PSIP1: variants seen among roughly 807,000 people sequenced by gnomAD.
PSIP1 encodes PC4 and SFRS1-interacting protein.
Under a neutral mutation model 74.7 loss-of-function variants are expected in PSIP1, and 19 were observed. That is an observed-to-expected ratio of 0.25 (90% confidence interval 0.18 to 0.37). PSIP1 has a LOEUF of 0.37. Among genes scored for constraint, PSIP1 ranks in the 10% least tolerant of loss-of-function variants. The probability of loss-of-function intolerance (pLI) is 1.00; values close to 1 mark genes in which losing one functional copy is unlikely to be tolerated. For missense variants in PSIP1, 601 were observed against 614.3 expected, an observed-to-expected ratio of 0.98 and a Z score of 0.23; for synonymous variants, 222 against 195.3, an observed-to-expected ratio of 1.14 and a Z score of -1.14.
At chr9:15,494,565 C>CAAAAAAAAA (rs57170853) in intron 3 of PSIP1, among the ~76,000 whole-genome samples, 1 of 37,560 alleles carries the variant, frequency 2.7e-5, no homozygotes, top group Non-Finnish European at 4.6e-5. Context: ...AACTGCATCT[C>CAAAAAAAAA]AAAAAAAAAA....
At chr9:15,473,934 AAAAC>A (rs369884358) in intron 9 of PSIP1, 71 bp downstream of exon 9, 297 of 974,008 alleles carry the variant, frequency 3.0e-4, no homozygotes, top group Middle Eastern at 1.2e-3. Flanking sequence ...AAACAAAAAA[AAAAC>A]AAAGAAAAAA....
At chr9:15,468,095 T>C (rs542201501) in intron 14 of PSIP1, among the ~76,000 whole-genome samples, 15 of 145,822 alleles carry the variant, frequency 1.0e-4, no homozygotes, top group Non-Finnish European at 1.9e-4. Flanking sequence ...CACTCCAGCC[T>C]GGACAACAAG....
intron 3 of PSIP1, chr9:15,506,356 G>T: frequency 7.4e-6 from 3 of 405,846 alleles, no homozygotes; most frequent in South Asian, 6.4e-5. Context: ...TTCCTTTTTG[G>T]TTAAGGAAAT....
intron 10 of PSIP1, chr9:15,470,497 A>G: frequency 1.3e-6 from 1 of 768,248 alleles, no homozygotes; most frequent in Non-Finnish European, 1.6e-6. Context: ...AACATTTCAC[A>G]AAAGGTACCA....
At chr9:15,470,764 G>C (rs970109680) in intron 10 of PSIP1, 2 of 974,786 alleles carry the variant, frequency 2.1e-6, no homozygotes, top group Non-Finnish European at 2.5e-6. Flanking sequence ...AACAACAAAG[G>C]AATGTCAAGA....
At position 15,485,238 on chromosome 9, in the gene PSIP1, A is replaced by G. The variant is rs78905817; in HGVS notation, c.456+768T>C. Among the ~76,000 whole-genome samples, 748 of 152,304 alleles carry G rather than the reference A, an allele frequency of 4.9e-3. 3 individuals carry two copies. Among genetic ancestry groups the G allele is most frequent in the African/African-American group, 0.018 (735 of 41,566 alleles). On this transcript the variant is annotated intron_variant, in intron 6 of 15. Coordinates refer to ENST00000380733, the MANE Select transcript of PSIP1 (RefSeq NM_033222.5). ...TTATGGTGTGTTAATAATGAAATAC[A>G]ATACTCAAGATGCTTGAGTAGGAAT...
intron 2 of PSIP1, among the ~76,000 whole-genome samples, chr9:15,508,564 TTTAAC>T (rs2037706041): frequency 6.6e-6 from 1 of 152,204 alleles, no homozygotes; most frequent in Non-Finnish European, 1.5e-5. Flanking sequence ...TCCTTTGGCT[TTTAAC>T]TTCACTGTGG....
At chr9:15,472,252 T>G in intron 10 of PSIP1, 1 of 994,696 alleles carries the variant, frequency 1.0e-6, no homozygotes, top group Non-Finnish European at 1.2e-6. Context: ...TGCTTGGTGG[T>G]GTGATGAATA....
intron 6 of PSIP1, among the ~76,000 whole-genome samples, chr9:15,480,013 T>C (rs2036266394): frequency 6.6e-6 from 1 of 152,212 alleles, no homozygotes; most frequent in African/African-American, 2.4e-5. Flanking sequence ...TAATTCTTCG[T>C]TCATACAGAC....
chr9:15,494,929 C>G (rs555630731), intron 3 of PSIP1, among the ~76,000 whole-genome samples: 2 of 152,124 alleles, frequency 1.3e-5, no homozygotes, highest in Admixed American at 1.3e-4. Context: ...TTGAGTTAAA[C>G]CTCCATGAAA....
intron 2 of PSIP1, among the ~76,000 whole-genome samples, chr9:15,507,605 T>G (rs1485150033): frequency 1.3e-5 from 2 of 152,072 alleles, no homozygotes; most frequent in Non-Finnish European, 2.9e-5. Flanking sequence ...GCCACTGCAC[T>G]CAAGCCTGGG....
intron 3 of PSIP1, among the ~76,000 whole-genome samples, chr9:15,497,868 GTATA>G (rs1189566511): frequency 6.6e-6 from 1 of 152,034 alleles, no homozygotes; most frequent in Non-Finnish European, 1.5e-5. Flanking sequence ...CCACTTATTT[GTATA>G]TATACATATA....
rs371783377 is a variant in PSIP1 at position 15,500,286 on chromosome 9, A to C, written c.149+6275T>G. On this transcript the variant is annotated intron_variant, in intron 3 of 15. Transcript: ENST00000380733. ...CAAGACCATCCTGGCTATCACGGTG[A>C]AACCCGGTCTCTACTAAAAACACAA... Among the ~76,000 whole-genome samples, 41 of 151,964 alleles carry C rather than the reference A, an allele frequency of 2.7e-4. 1 individual carries two copies. Among genetic ancestry groups the C allele is most frequent in the African/African-American group, 8.5e-4 (35 of 41,388 alleles).
intron 15 of PSIP1, chr9:15,465,897 TATATCTGTGATACCAAC>T (rs969218960): frequency 8.0e-6 from 2 of 249,882 alleles, no homozygotes; most frequent in African/African-American, 4.5e-5. Flanking sequence ...GAGAATGTTT[TATATCTGTGATACCAAC>T]ATATTTCAAA....
At chr9:15,472,851 AAG>A (rs1466257567) in intron 9 of PSIP1, 101 bp from the exon 10 acceptor site, 5 of 1,126,226 alleles carry the variant, frequency 4.4e-6, no homozygotes, top group Non-Finnish European at 5.1e-6. Flanking sequence ...GTTTTTAAAA[AAG>A]GGATGAATAC....
chr9:15,474,135 T>A lies in PSIP1; in HGVS notation c.732A>T (p.Pro244=), dbSNP rs1490157100. Residue 244 remains proline (P), a synonymous_variant, in exon 9 of 16, where the codon CCA becomes CCT. Transcript: ENST00000380733. The part of the protein sequence containing the change: ...DEEGQKEEDK[P]RKEPDKKEGK... ...CCTCTTTTTTATCCGGCTCTTTTCT[T>A]GGCTTATCTTCTTCCTTCTGGCCCT... The A allele has an allele frequency of 6.8e-6, 11 of 1,613,648 alleles. No individual in the cohort carries two copies.
intron 3 of PSIP1, among the ~76,000 whole-genome samples, chr9:15,501,864 TA>T (rs2037363677): frequency 2.0e-5 from 3 of 146,448 alleles, no homozygotes; most frequent in Admixed American, 1.3e-4. Context: ...TATATATATA[TA>T]TAAAACGCAC....
intron 8 of PSIP1, among the ~76,000 whole-genome samples, chr9:15,476,178 G>A (rs925956551): frequency 6.6e-6 from 1 of 152,174 alleles, no homozygotes; most frequent in Non-Finnish European, 1.5e-5. Context: ...CCTACGCACA[G>A]CATGAATAAG....
At chr9:15,496,703 CG>C (rs1396540824) in intron 3 of PSIP1, among the ~76,000 whole-genome samples, 3 of 152,206 alleles carry the variant, frequency 2.0e-5, no homozygotes, top group African/African-American at 7.2e-5. Context: ...CATAAATTCA[CG>C]TATCTTAATA....
Sources: gnomAD v4.1 joint callset for allele counts (sites outside exome capture counted in the v4.1 genomes callset) on GRCh38, gnomAD v4.1.1 for gene constraint, MANE v1.5 for transcripts, NCBI Gene and HGNC (gene_info 2026-07-23, HGNC 2026-07-21) for gene names.